EXOC6B: variants seen among roughly 807,000 people sequenced by gnomAD.
EXOC6B encodes the protein exocyst complex component 6B.
EXOC6B carries 54 observed loss-of-function variants against 113.5 expected under a neutral mutation model. The observed-to-expected ratio is 0.48, with a 90% CI of 0.38 to 0.60. The LOEUF (loss-of-function observed/expected upper bound fraction) is 0.60, where lower values mean the gene tolerates loss of function less well. Among genes scored for constraint, EXOC6B ranks in the 20% least tolerant of loss-of-function variants. EXOC6B has a pLI of 0.00. For missense variants in EXOC6B, 797 were observed against 977.5 expected, an observed-to-expected ratio of 0.82 and a Z score of 2.46; for synonymous variants, 357 against 339.0, an observed-to-expected ratio of 1.05 and a Z score of -0.58.
chr2:72,179,705 A>G (rs1182381742), intron 21 of EXOC6B, among the ~76,000 whole-genome samples: 1 of 151,906 alleles, frequency 6.6e-6, no homozygotes, highest in African/African-American at 2.4e-5. Flanking sequence ...GGAGGGGTCA[A>G]TCTCCCTACC....
At chr2:72,401,524 CATAT>C (rs1186731784) in intron 18 of EXOC6B, among the ~76,000 whole-genome samples, 3,923 of 29,466 alleles carry the variant, frequency 0.13, 463 homozygotes, top group Admixed American at 0.17. Context: ...TACATATATA[CATAT>C]ATATATATAT....
At chr2:72,514,237 C>A (rs1349984581) in intron 10 of EXOC6B, among the ~76,000 whole-genome samples, 1 of 152,056 alleles carries the variant, frequency 6.6e-6, no homozygotes, top group African/African-American at 2.4e-5. Flanking sequence ...GTGAAAGAGA[C>A]CATATGGCCT....
chr2:72,438,788 T>A (rs1049886104), intron 18 of EXOC6B, among the ~76,000 whole-genome samples: 3 of 152,176 alleles, frequency 2.0e-5, no homozygotes, highest in Admixed American at 2.0e-4. Flanking sequence ...CTTTTTTCAT[T>A]AACACCTCAG....
chr2:72,466,046 C>T (rs1471413866), intron 17 of EXOC6B, among the ~76,000 whole-genome samples: 1 of 151,924 alleles, frequency 6.6e-6, no homozygotes, highest in Non-Finnish European at 1.5e-5. Flanking sequence ...CTGACCCAGA[C>T]AAACTTTGAA....
At chr2:72,385,253 A>G (rs1205165617) in intron 18 of EXOC6B, among the ~76,000 whole-genome samples, 1 of 152,226 alleles carries the variant, frequency 6.6e-6, no homozygotes, top group Non-Finnish European at 1.5e-5. Context: ...AATAACACAC[A>G]ATGGGGAAAA....
chr2:72,187,139 G>C (rs1678492448), intron 20 of EXOC6B, among the ~76,000 whole-genome samples: 1 of 152,142 alleles, frequency 6.6e-6, no homozygotes, highest in Admixed American at 6.5e-5. Context: ...AGCTGGACCA[G>C]GTGCACTGCA....
chr2:72,741,264 A>G, intron 2 of EXOC6B, 40 bp downstream of exon 2: 1 of 1,585,452 alleles, frequency 6.3e-7, no homozygotes, highest in Non-Finnish European at 8.6e-7. Flanking sequence ...CAAAACCCCA[A>G]CACAGGACGG....
At chr2:72,297,327 T>C (rs779323600) in intron 20 of EXOC6B, among the ~76,000 whole-genome samples, 51 of 152,048 alleles carry the variant, frequency 3.4e-4, no homozygotes, top group Non-Finnish European at 3.5e-4. Flanking sequence ...TCAATAGTTG[T>C]TTTTTTCCTG....
intron 6 of EXOC6B, among the ~76,000 whole-genome samples, chr2:72,631,463 G>T (rs4852295): frequency 0.07 from 255 of 3,648 alleles, 2 homozygotes; most frequent in Admixed American, 0.084. Flanking sequence ...TATATATATA[G>T]AGAGAGAGAG....
intron 20 of EXOC6B, among the ~76,000 whole-genome samples, chr2:72,214,787 C>G (rs571565790): frequency 6.6e-6 from 1 of 152,278 alleles, no homozygotes; most frequent in South Asian, 2.1e-4. Context: ...TGAACAGAAA[C>G]AAAAGCTGAG....
chr2:72,292,083 AAC>A (rs1174313423), intron 20 of EXOC6B, among the ~76,000 whole-genome samples: 1 of 152,038 alleles, frequency 6.6e-6, no homozygotes, highest in African/African-American at 2.4e-5. Context: ...ATTTTCTGAA[AAC>A]ACAGATTCCT....
intron 18 of EXOC6B, among the ~76,000 whole-genome samples, chr2:72,387,075 T>A (rs753892080): frequency 2.6e-5 from 4 of 152,182 alleles, no homozygotes; most frequent in Non-Finnish European, 5.9e-5. Flanking sequence ...CTGACAGAAT[T>A]TTATTTTTCT....
At chr2:72,368,483 A>G (rs1295255301) in intron 19 of EXOC6B, among the ~76,000 whole-genome samples, 1 of 152,208 alleles carries the variant, frequency 6.6e-6, no homozygotes, top group African/African-American at 2.4e-5. Context: ...CAATCAATAG[A>G]AAAAGAGGGA....
At chr2:72,537,536 T>C (rs1702366226) in intron 8 of EXOC6B, among the ~76,000 whole-genome samples, 1 of 151,448 alleles carries the variant, frequency 6.6e-6, no homozygotes, top group Non-Finnish European at 1.5e-5. Context: ...GAGGCTGAGT[T>C]GGGAAAACTG....
chr2:72,613,370 A>G (rs1015239652), intron 6 of EXOC6B, among the ~76,000 whole-genome samples: 3 of 152,074 alleles, frequency 2.0e-5, no homozygotes, highest in Non-Finnish European at 4.4e-5. Context: ...AACTGGGGGG[A>G]AAACTCCAAT....
At chr2:72,424,240 G>A (rs1033630965) in intron 18 of EXOC6B, among the ~76,000 whole-genome samples, 1 of 151,428 alleles carries the variant, frequency 6.6e-6, no homozygotes, top group Non-Finnish European at 1.5e-5. Context: ...AACAGGTAGA[G>A]GTAGATAAGC....
chr2:72,407,192 A>G (rs1356683943), intron 18 of EXOC6B, among the ~76,000 whole-genome samples: 1 of 152,196 alleles, frequency 6.6e-6, no homozygotes, highest in Non-Finnish European at 1.5e-5. Flanking sequence ...GAATAGACCA[A>G]TAACAGGCTC....
chr2:72,667,712 CA>C (rs1458540544), intron 6 of EXOC6B, among the ~76,000 whole-genome samples: 2 of 152,148 alleles, frequency 1.3e-5, no homozygotes, highest in East Asian at 3.9e-4. Context: ...TCATCAGATT[CA>C]AAAATTCACT....
chr2:72,273,265 C>T (rs1315655168), intron 20 of EXOC6B, among the ~76,000 whole-genome samples: 1 of 152,070 alleles, frequency 6.6e-6, no homozygotes, highest in Admixed American at 6.6e-5. Context: ...TATTTGACTT[C>T]CTTTTAATTC....
Sources: allele counts gnomAD v4.1 joint callset (sites outside exome capture counted in the v4.1 genomes callset), GRCh38; gene constraint gnomAD v4.1.1; transcripts MANE v1.5; gene names NCBI Gene and HGNC (gene_info 2026-07-23, HGNC 2026-07-21).